Variants in C8orf34 observed in about 807,000 individuals in gnomAD.
The protein encoded by C8orf34 is chromosome 8 open reading frame 34, also known as uncharacterized protein C8orf34.
A neutral mutation model predicts 68.3 loss-of-function variants in C8orf34; 65 were observed. The observed-to-expected ratio is 0.95, with a 90% confidence interval of 0.78 to 1.17. C8orf34 has a LOEUF of 1.17. Ranked by LOEUF, C8orf34 falls within the 50% of genes most tolerant of loss-of-function variation. The probability of loss-of-function intolerance (pLI) is 0.00; values close to 1 mark genes in which losing one functional copy is unlikely to be tolerated. For synonymous variants in C8orf34, 244 were observed against 241.2 expected, an observed-to-expected ratio of 1.01 and a Z score of -0.11; for missense variants, 664 against 655.4, an observed-to-expected ratio of 1.01 and a Z score of -0.14.
chr8:68,505,738 C>CAAAAAAAAAAAAAAA (rs778441254), intron 5 of C8orf34, among the ~76,000 whole-genome samples: 1 of 68,354 alleles, frequency 1.5e-5, no homozygotes, highest in African/African-American at 4.5e-5. Flanking sequence ...ACTCCGTCTC[C>CAAAAAAAAAAAAAAA]AAAAAAAAAA....
At chr8:68,695,414 G>A (rs1336728930) in intron 8 of C8orf34, among the ~76,000 whole-genome samples, 1 of 152,112 alleles carries the variant, frequency 6.6e-6, no homozygotes, top group Non-Finnish European at 1.5e-5. Flanking sequence ...ATCCAAAAGT[G>A]CTGGGATTAC....
At chr8:68,799,239 T>C (rs778884403) in intron 12 of C8orf34, among the ~76,000 whole-genome samples, 1 of 152,220 alleles carries the variant, frequency 6.6e-6, no homozygotes, top group Non-Finnish European at 1.5e-5. Context: ...TGTCTTGGAA[T>C]ATTCTTATAT....
intron 9 of C8orf34, among the ~76,000 whole-genome samples, chr8:68,711,061 A>G (rs141925655): frequency 6.6e-6 from 1 of 152,240 alleles, no homozygotes; most frequent in East Asian, 1.9e-4. Flanking sequence ...GAACCAGAAG[A>G]GCAAAAACAC....
chr8:68,728,752 G>A lies in C8orf34; in HGVS notation c.1404+7315G>A, dbSNP rs756378891. Among the ~76,000 whole-genome samples the A allele has an allele frequency of 2.0e-5, 3 of 152,314 alleles. No homozygotes were observed. In the South Asian group the frequency reaches 6.2e-4, roughly 32 times the overall value. On this transcript the variant is annotated intron_variant, in intron 10 of 13. Coordinates refer to ENST00000518698, the MANE Select transcript of C8orf34 (RefSeq NM_052958.4). The stretch of plus-strand genomic sequence containing the variant: ...CCCTTCAACAACATGTGGGAATTCT[G>A]AGAGATACAATTCAAGTTGAGATTT...
chr8:68,742,695 C>T (rs566893751), intron 10 of C8orf34, among the ~76,000 whole-genome samples: 21 of 152,294 alleles, frequency 1.4e-4, no homozygotes, highest in African/African-American at 4.6e-4. Context: ...CTACTATTGC[C>T]CTTACCTGTC....
At chr8:68,556,682 G>C (rs559041254) in intron 7 of C8orf34, among the ~76,000 whole-genome samples, 1 of 152,140 alleles carries the variant, frequency 6.6e-6, no homozygotes, top group South Asian at 2.1e-4. Context: ...AGGGATCCTC[G>C]GCCGATGTAC....
chr8:68,504,115 G>A lies in C8orf34; in HGVS notation c.765+16064G>A, dbSNP rs142476749. On this transcript the variant is annotated intron_variant, in intron 5 of 13. Coordinates refer to ENST00000518698, the MANE Select transcript of C8orf34 (RefSeq NM_052958.4). Reference sequence around the variant, plus strand: ...TCCCTCCAACTCCTCAGCCCTAGACGACCACTAATCTATTTTCTGTTTCTA... The same window carrying A: ...TCCCTCCAACTCCTCAGCCCTAGACAACCACTAATCTATTTTCTGTTTCTA... Among the ~76,000 whole-genome samples the A allele has an allele frequency of 8.2e-4, 124 of 152,134 alleles. 3 individuals carry two copies. In the Middle Eastern group the frequency reaches 0.021, roughly 25 times the overall value.
At chr8:68,793,222 T>C (rs1250939824) in intron 12 of C8orf34, among the ~76,000 whole-genome samples, 8 of 152,146 alleles carry the variant, frequency 5.3e-5, no homozygotes, top group Non-Finnish European at 4.4e-5. Flanking sequence ...ACATAGATTG[T>C]ATAAAAATAG....
intron 3 of C8orf34, 55 bp from the exon 4 acceptor site, chr8:68,468,633 TAGTC>T: frequency 6.5e-6 from 10 of 1,543,720 alleles, no homozygotes; most frequent in Non-Finnish European, 8.8e-6. Context: ...TGATGATGAA[TAGTC>T]AGTTTGTGTC....
intron 10 of C8orf34, among the ~76,000 whole-genome samples, chr8:68,757,498 C>T (rs1213110661): frequency 6.6e-6 from 1 of 151,990 alleles, no homozygotes; most frequent in Non-Finnish European, 1.5e-5. Flanking sequence ...GGTATGATGG[C>T]GGGCGCCTGT....
At chr8:68,583,001 C>T (rs1248204514) in intron 7 of C8orf34, among the ~76,000 whole-genome samples, 1 of 152,040 alleles carries the variant, frequency 6.6e-6, no homozygotes, top group Admixed American at 6.6e-5. Flanking sequence ...CTTCTTTGTA[C>T]AGAGTGGGAG....
chr8:68,797,733 A>G (rs529915571), intron 12 of C8orf34, among the ~76,000 whole-genome samples: 3 of 152,308 alleles, frequency 2.0e-5, no homozygotes, highest in Admixed American at 2.0e-4. Flanking sequence ...GATGGGTCAG[A>G]AAGTGTGCAC....
chr8:68,331,001 A>C lies in C8orf34; in HGVS notation c.-12A>C, dbSNP rs900363850. On this transcript the variant is annotated 5_prime_UTR_variant, in exon 1 of 14. Transcript: ENST00000518698. ...AGCGGCGAGGGTGGGCGCGAGGCGG[A>C]GAACGCGATGAATGAGTTCTCCCCT... 5 of 1,396,648 alleles carry C rather than the reference A, an allele frequency of 3.6e-6. No homozygotes were observed. The South Asian group carries it at 4.7e-5, about 13-fold the overall frequency. 86.5% of individuals were successfully genotyped at this position (1,396,648 alleles called of 1,614,324 possible).
intron 7 of C8orf34, among the ~76,000 whole-genome samples, chr8:68,639,672 A>C (rs1818946972): frequency 1.3e-5 from 2 of 152,302 alleles, no homozygotes; most frequent in Non-Finnish European, 2.9e-5. Context: ...TTCTCTGAAA[A>C]AGTAGGAGAT....
At chr8:68,541,923 G>T (rs1205347824) in intron 7 of C8orf34, among the ~76,000 whole-genome samples, 1 of 152,148 alleles carries the variant, frequency 6.6e-6, no homozygotes, top group African/African-American at 2.4e-5. Flanking sequence ...AAATATTCAA[G>T]CTTTTTATTT....
chr8:68,805,595 C>T (rs1319636704), intron 12 of C8orf34, among the ~76,000 whole-genome samples: 1 of 152,114 alleles, frequency 6.6e-6, no homozygotes, highest in African/African-American at 2.4e-5. Context: ...TTCCTTGTAT[C>T]CCTAGCAAAT....
In C8orf34 at chr8:68,801,871, C is replaced by G. The variant is rs567605360; in HGVS notation, c.1550-14015C>G. ...CATCCCAAAATACCCTCTGTGATTA[C>G]TGTGTTGTTTTTAATGCAGTAATTA... On this transcript the variant is annotated intron_variant, in intron 12 of 13. Coordinates refer to ENST00000518698, the MANE Select transcript of C8orf34 (RefSeq NM_052958.4). Among the ~76,000 whole-genome samples, 63 of 149,562 alleles carry G rather than the reference C, an allele frequency of 4.2e-4. 1 individual carries two copies. The highest frequency in any genetic ancestry group is 1.5e-3 in the African/African-American group (62 of 40,080).
intron 7 of C8orf34, among the ~76,000 whole-genome samples, chr8:68,563,201 C>A (rs1044301126): frequency 3.9e-5 from 6 of 152,098 alleles, no homozygotes; most frequent in African/African-American, 1.2e-4. Context: ...AAAATGCTTA[C>A]AATTTTTTTT....
At chr8:68,367,907 G>GAAAAAAAAAAAAAAAAAAA (rs1807360133) in intron 1 of C8orf34, among the ~76,000 whole-genome samples, 3 of 15,032 alleles carry the variant, frequency 2.0e-4, no homozygotes, top group Non-Finnish European at 1.3e-4. Context: ...AATAAAAAAA[G>GAAAAAAAAAAAAAAAAAAA]AAAAGAAAAA....
Sources: gnomAD v4.1 joint callset for allele counts (sites outside exome capture counted in the v4.1 genomes callset) on GRCh38, gnomAD v4.1.1 for gene constraint, MANE v1.5 for transcripts, NCBI Gene and HGNC (gene_info 2026-07-23, HGNC 2026-07-21) for gene names.